The following ERC2 variants were observed in gnomAD, a reference collection of about 807,000 sequenced individuals.
ERC2 encodes ERC protein 2.
Under a neutral mutation model 114.8 loss-of-function variants are expected in ERC2, and 42 were observed. The observed-to-expected ratio is 0.37, with a 90% CI of 0.29 to 0.47. ERC2 has a LOEUF of 0.47. Among genes scored for constraint, ERC2 ranks in the 20% least tolerant of loss-of-function variants. The pLI is 0.99. For synonymous variants in ERC2, 454 were observed against 425.5 expected, an observed-to-expected ratio of 1.07 and a Z score of -0.82; for missense variants, 939 against 1,150.7, an observed-to-expected ratio of 0.82 and a Z score of 2.66.
At chr3:56,128,450 G>A (rs1020104167) in intron 6 of ERC2, among the ~76,000 whole-genome samples, 1 of 152,216 alleles carries the variant, frequency 6.6e-6, no homozygotes, top group Non-Finnish European at 1.5e-5. Context: ...TAATACACAC[G>A]TACACCTAAT....
chr3:56,461,379 C>T (rs759519499), intron 1 of ERC2, among the ~76,000 whole-genome samples: 18 of 152,154 alleles, frequency 1.2e-4, no homozygotes, highest in Non-Finnish European at 1.9e-4. Flanking sequence ...CTCCAGTTGA[C>T]GGGAAGCTGT....
At chr3:56,368,427 C>T (rs1410202843) in intron 2 of ERC2, among the ~76,000 whole-genome samples, 1 of 152,106 alleles carries the variant, frequency 6.6e-6, no homozygotes, top group Non-Finnish European at 1.5e-5. Context: ...GACCATAATA[C>T]AGTCATACCA....
chr3:55,855,624 C>T (rs919045041), intron 14 of ERC2, among the ~76,000 whole-genome samples: 38 of 152,148 alleles, frequency 2.5e-4, no homozygotes, highest in African/African-American at 8.9e-4. Flanking sequence ...CCTCTAAATG[C>T]TTAAAGGCAG....
chr3:56,045,583 A>T (rs1337940258), intron 7 of ERC2, among the ~76,000 whole-genome samples: 1 of 152,192 alleles, frequency 6.6e-6, no homozygotes, highest in African/African-American at 2.4e-5. Flanking sequence ...ACGGTGTTGC[A>T]TCTAAAATTC....
intron 13 of ERC2, among the ~76,000 whole-genome samples, chr3:55,943,084 G>T (rs2066907290): frequency 1.3e-5 from 2 of 152,160 alleles, no homozygotes; most frequent in South Asian, 4.1e-4. Flanking sequence ...ATAACTCAGG[G>T]TAAACCTGAG....
intron 13 of ERC2, among the ~76,000 whole-genome samples, chr3:55,907,312 C>T (rs1203603782): frequency 1.3e-5 from 2 of 152,212 alleles, no homozygotes; most frequent in Non-Finnish European, 2.9e-5. Context: ...TCCTGTATGT[C>T]TTTGGCCAAG....
chr3:56,445,199 T>G (rs1577002198), intron 1 of ERC2, among the ~76,000 whole-genome samples: 2 of 152,344 alleles, frequency 1.3e-5, no homozygotes, highest in Middle Eastern at 6.8e-3. Flanking sequence ...ACCCTCCAGT[T>G]TGCCACAGTC....
intron 7 of ERC2, among the ~76,000 whole-genome samples, chr3:56,068,687 T>C (rs2076591413): frequency 6.6e-6 from 1 of 152,196 alleles, no homozygotes; most frequent in Non-Finnish European, 1.5e-5. Flanking sequence ...CATTTAGTGC[T>C]ATAAATTTCC....
Position 56,173,548 on chromosome 3 carries a change from C to T in ERC2, c.1075-28G>A, listed in dbSNP as rs775885775. ...GGGGAGGAACACGATAGAAATAAGC[C>T]TGACGGTTCATCCTTCCGTTACACC... On this transcript the variant is annotated intron_variant, in intron 3 of 17. Coordinates refer to ENST00000288221, the MANE Select transcript of ERC2 (RefSeq NM_015576.3). 85 of 1,608,234 alleles carry T rather than the reference C, an allele frequency of 5.3e-5. No homozygotes were observed. The East Asian group carries it at 1.7e-3, about 33-fold the overall frequency.
At chr3:55,952,833 G>GT (rs1298628890) in intron 12 of ERC2, among the ~76,000 whole-genome samples, 1 of 152,080 alleles carries the variant, frequency 6.6e-6, no homozygotes, top group African/African-American at 2.4e-5. Flanking sequence ...ATACTGCAAT[G>GT]TTTTTTCAAT....
Position 55,888,439 on chromosome 3 carries a change from G to A in ERC2, c.2514C>T (p.Ala838=). The A allele has an allele frequency of 6.2e-7, 1 of 1,613,892 alleles. No homozygotes were observed. The highest frequency in any genetic ancestry group is 8.5e-7 in the Non-Finnish European group (1 of 1,179,836). Residue 838 remains alanine, a synonymous_variant, in exon 14 of 18, where the codon GCC becomes GCT. Coordinates refer to ENST00000288221, the MANE Select transcript of ERC2 (RefSeq NM_015576.3). ...GTTTCCTCCTCTCAATCCGGAGGTT[G>A]GCCAAGTGCGCTTCTTTTTCGGCCA... ...QSLAEKEAHL[A]NLRIERRKQL...
intron 17 of ERC2, among the ~76,000 whole-genome samples, chr3:55,596,312 T>C (rs1479761060): frequency 6.6e-6 from 1 of 152,216 alleles, no homozygotes; most frequent in Non-Finnish European, 1.5e-5. Flanking sequence ...CTGGGTGTGA[T>C]TGCTCACATC....
chr3:56,343,146 C>A (rs1422020664), intron 2 of ERC2, among the ~76,000 whole-genome samples: 3 of 149,640 alleles, frequency 2.0e-5, no homozygotes, highest in African/African-American at 7.4e-5. Flanking sequence ...CTTTGGGCAG[C>A]CTTTTAGGAT....
chr3:55,863,880 C>T (rs1344013560), intron 14 of ERC2, among the ~76,000 whole-genome samples: 4 of 151,358 alleles, frequency 2.6e-5, no homozygotes, highest in East Asian at 1.9e-4. Flanking sequence ...TTGTACTAGC[C>T]GTATCTCAAA....
At position 56,263,965 on chromosome 3, in the gene ERC2, A is replaced by G. The variant is rs548448111; in HGVS notation, c.1074+32054T>C. ...CAAATTATTATACATTGTGACCACAATGTATATCCCTGGGATGCAAGGTTG... is the reference window on the plus strand; with the variant it reads ...CAAATTATTATACATTGTGACCACAGTGTATATCCCTGGGATGCAAGGTTG... On this transcript the variant is annotated intron_variant, in intron 3 of 17. Coordinates refer to ENST00000288221, the MANE Select transcript of ERC2 (RefSeq NM_015576.3). Among the ~76,000 whole-genome samples, 43 of 152,300 alleles carry G rather than the reference A, an allele frequency of 2.8e-4. No individual in the cohort carries two copies. The South Asian group carries it at 7.7e-3, about 27-fold the overall frequency.
intron 7 of ERC2, among the ~76,000 whole-genome samples, chr3:56,021,229 A>G (rs1391211190): frequency 2.0e-5 from 3 of 152,206 alleles, no homozygotes; most frequent in Non-Finnish European, 4.4e-5. Context: ...AGATAAATAT[A>G]TCTGGAAACA....
chr3:56,162,424 G>A (rs1254599396), intron 4 of ERC2, among the ~76,000 whole-genome samples: 1 of 152,022 alleles, frequency 6.6e-6, no homozygotes, highest in Non-Finnish European at 1.5e-5. Flanking sequence ...CGTGTTCCTT[G>A]CCTTTTTGCT....
intron 17 of ERC2, among the ~76,000 whole-genome samples, chr3:55,674,687 G>A (rs1020097191): frequency 6.6e-6 from 1 of 152,124 alleles, no homozygotes; most frequent in African/African-American, 2.4e-5. Context: ...GATCTAATAG[G>A]TTTAACTGAG....
At chr3:55,613,808 C>G (rs2059005678) in intron 17 of ERC2, among the ~76,000 whole-genome samples, 1 of 151,634 alleles carries the variant, frequency 6.6e-6, no homozygotes, top group Non-Finnish European at 1.5e-5. Context: ...GGTGAAAACC[C>G]CATCTCTACT....
Sources: allele counts gnomAD v4.1 joint callset (sites outside exome capture counted in the v4.1 genomes callset), GRCh38; gene constraint gnomAD v4.1.1; transcripts MANE v1.5; gene names NCBI Gene and HGNC (gene_info 2026-07-23, HGNC 2026-07-21).